MYO10: variants seen among roughly 807,000 people sequenced by gnomAD.
MYO10 encodes myosin X, also known as unconventional myosin-X.
Under a neutral mutation model 257.3 loss-of-function variants are expected in MYO10, and 133 were observed. The ratio of observed to expected loss-of-function variants is 0.52; its 90% CI spans 0.45 to 0.60. The LOEUF is 0.60. Among genes scored for constraint, MYO10 ranks in the 20% least tolerant of loss-of-function variants. The probability of loss-of-function intolerance (pLI) is 0.00; values close to 1 mark genes in which losing one functional copy is unlikely to be tolerated. For synonymous variants in MYO10, 1,104 were observed against 1,028.6 expected (o/e 1.07, Z -1.40); for missense variants, 2,399 against 2,635.7 (o/e 0.91, Z 1.97).
intron 1 of MYO10, among the ~76,000 whole-genome samples, chr5:16,880,453 T>C (rs2126764582): frequency 6.6e-6 from 1 of 151,922 alleles, no homozygotes; most frequent in Admixed American, 6.6e-5. Context: ...TGACCTTATC[T>C]ATAAGAGGCC....
intron 28 of MYO10, among the ~76,000 whole-genome samples, chr5:16,688,763 A>C (rs574251759): frequency 1.3e-5 from 2 of 151,754 alleles, no homozygotes; most frequent in Non-Finnish European, 2.9e-5. Context: ...AAAAAAAAAA[A>C]AGATGTTCTC....
chr5:16,816,764 G>C (rs1272067568), intron 3 of MYO10, among the ~76,000 whole-genome samples: 1 of 151,744 alleles, frequency 6.6e-6, no homozygotes, highest in Admixed American at 6.6e-5. Context: ...TCTTGATCTC[G>C]TGATCCGCCC....
rs1455729313 is a variant in MYO10, at chr5:16,791,125, G to T, written c.467+3521C>A. Among the ~76,000 whole-genome samples, 8 of 152,222 alleles carry T rather than the reference G, an allele frequency of 5.3e-5. No individual in the cohort carries two copies. In the East Asian group the frequency reaches 1.5e-3, roughly 29 times the overall value. On this transcript the variant is annotated intron_variant, in intron 4 of 40. Transcript: ENST00000513610. The stretch of plus-strand genomic sequence containing the variant: ...CAATCGATGTTCACTTATAAAGCGA[G>T]AGAAAAATTGATCTATGAAGTCCTA...
intron 1 of MYO10, among the ~76,000 whole-genome samples, chr5:16,914,615 G>A (rs1745764998): frequency 6.6e-6 from 1 of 152,156 alleles, no homozygotes; most frequent in East Asian, 1.9e-4. Flanking sequence ...CTACATTTAA[G>A]GGAGTCCTAG....
intron 19 of MYO10, among the ~76,000 whole-genome samples, chr5:16,745,631 C>A (rs528655512): frequency 6.6e-6 from 1 of 151,838 alleles, no homozygotes; most frequent in Admixed American, 6.6e-5. Context: ...AAGGCTTCTG[C>A]GAGTTATGAT....
At chr5:16,861,035 A>C (rs374423727) in intron 2 of MYO10, among the ~76,000 whole-genome samples, 4 of 152,056 alleles carry the variant, frequency 2.6e-5, no homozygotes, top group African/African-American at 9.7e-5. Context: ...GGAGGCTTTT[A>C]AAAAACATAC....
At chr5:16,749,885 TG>T (rs1441509937) in intron 19 of MYO10, among the ~76,000 whole-genome samples, 2 of 152,194 alleles carry the variant, frequency 1.3e-5, no homozygotes, top group Non-Finnish European at 2.9e-5. Context: ...GGGGCTTTTC[TG>T]AAGAATGTTA....
chr5:16,848,091 C>T (rs10213765), intron 2 of MYO10, among the ~76,000 whole-genome samples: 50,031 of 150,956 alleles, frequency 0.33, 10,547 homozygotes, highest in African/African-American at 0.6. Flanking sequence ...TGAATGGGCA[C>T]TGATTTTATG....
rs547821103 is a variant in MYO10, at chr5:16,868,603, T to C, written c.120+9006A>G. ...CTGGGTGACAGAGCAAGACTCCGTCTCAAAAAAAAAAAAAAATTCTGCTTT... is the reference window on the plus strand; with the variant it reads ...CTGGGTGACAGAGCAAGACTCCGTCCCAAAAAAAAAAAAAAATTCTGCTTT... On this transcript the variant is annotated intron_variant, in intron 2 of 40. Coordinates refer to ENST00000513610, the MANE Select transcript of MYO10 (RefSeq NM_012334.3). Among the ~76,000 whole-genome samples the C allele has an allele frequency of 5.4e-5, 8 of 149,250 alleles. No individual in the cohort carries two copies. The East Asian group carries it at 1.6e-3, about 29-fold the overall frequency.
chr5:16,802,645 A>G (rs1742154008), intron 3 of MYO10, among the ~76,000 whole-genome samples: 1 of 141,634 alleles, frequency 7.1e-6, no homozygotes, highest in Non-Finnish European at 1.5e-5. Flanking sequence ...GGACAGAGCG[A>G]GACTGTCTCT....
intron 2 of MYO10, among the ~76,000 whole-genome samples, chr5:16,865,962 TTTAAAATTG>T (rs1157572874): frequency 1.3e-5 from 2 of 151,536 alleles, no homozygotes; most frequent in Non-Finnish European, 2.9e-5. Flanking sequence ...CACTAATACA[TTTAAAATTG>T]TTAAAATTAA....
intron 3 of MYO10, among the ~76,000 whole-genome samples, chr5:16,809,802 C>A (rs1265101719): frequency 6.6e-6 from 1 of 152,226 alleles, no homozygotes; most frequent in South Asian, 2.1e-4. Flanking sequence ...GCTGTTTGTT[C>A]GGCAAGACAA....
intron 2 of MYO10, among the ~76,000 whole-genome samples, chr5:16,842,657 G>A (rs1743517574): frequency 6.6e-6 from 1 of 152,152 alleles, no homozygotes; most frequent in Admixed American, 6.5e-5. Flanking sequence ...AACTTGGAAG[G>A]TTCACGCCTG....
At position 16,699,580 on chromosome 5, in the gene MYO10, C is replaced by G. The variant is rs548513090; in HGVS notation, c.3433-7G>C. The G allele has an allele frequency of 1.2e-6, 2 of 1,612,942 alleles. No individual in the cohort carries two copies. Reference sequence around the variant, plus strand: ...CCTCTTCACTATCTTCAAACTGGACCGAGAGAGAGAAGCCAACGGTGAGGG... The same window carrying G: ...CCTCTTCACTATCTTCAAACTGGACGGAGAGAGAGAAGCCAACGGTGAGGG... On this transcript the variant is annotated splice_polypyrimidine_tract_variant and splice_region_variant and intron_variant, in intron 25 of 40. Transcript: ENST00000513610.
At chr5:16,817,793 C>T (rs771082439) in intron 3 of MYO10, among the ~76,000 whole-genome samples, 1 of 152,184 alleles carries the variant, frequency 6.6e-6, no homozygotes, top group Admixed American at 6.5e-5. Flanking sequence ...GAAGGCCCTT[C>T]CACAGAAAGT....
chr5:16,878,779 T>C (rs1347901911), intron 1 of MYO10, among the ~76,000 whole-genome samples: 2 of 152,024 alleles, frequency 1.3e-5, no homozygotes, highest in Non-Finnish European at 2.9e-5. Flanking sequence ...GGAGCTAAGC[T>C]ATGAGGATGC....
intron 10 of MYO10, among the ~76,000 whole-genome samples, chr5:16,768,823 A>T (rs943556279): frequency 6.6e-6 from 1 of 151,616 alleles, no homozygotes; most frequent in African/African-American, 2.4e-5. Context: ...CTACAGGGGC[A>T]CACCATCATG....
chr5:16,911,090 G>A (rs911702247), intron 1 of MYO10, among the ~76,000 whole-genome samples: 1 of 152,096 alleles, frequency 6.6e-6, no homozygotes, highest in Non-Finnish European at 1.5e-5. Flanking sequence ...ATCACTTGAG[G>A]CCAGGAGTGT....
chr5:16,781,050 A>T (rs1741405889), intron 6 of MYO10, among the ~76,000 whole-genome samples: 2 of 152,232 alleles, frequency 1.3e-5, no homozygotes, highest in South Asian at 4.1e-4. Flanking sequence ...AGAGATTTAT[A>T]AAACAAATAC....
Sources: allele counts gnomAD v4.1 joint callset (sites outside exome capture counted in the v4.1 genomes callset), GRCh38; gene constraint gnomAD v4.1.1; transcripts MANE v1.5; gene names NCBI Gene and HGNC (gene_info 2026-07-23, HGNC 2026-07-21).